The following TIGAR variants were observed in gnomAD, a reference collection of about 807,000 sequenced individuals.
TIGAR encodes the protein fructose-2,6-bisphosphatase TIGAR.
A neutral mutation model predicts 17.9 loss-of-function variants in TIGAR; 7 were observed. The observed-to-expected ratio is 0.39, with a 90% CI of 0.22 to 0.73. TIGAR has a LOEUF of 0.73. Among genes scored for constraint, TIGAR ranks in the 30% least tolerant of loss-of-function variants. TIGAR has a pLI of 0.42. For synonymous variants in TIGAR, 94 were observed against 108.6 expected, an observed-to-expected ratio of 0.87 and a Z score of 0.84; for missense variants, 258 against 327.4, an observed-to-expected ratio of 0.79 and a Z score of 1.64.
In TIGAR at chr12:4,354,650, ACT is replaced by A. The variant is rs1373353625; in HGVS notation, c.*1962_*1963del. 3 of 149,984 alleles carry A rather than the reference ACT, an allele frequency of 2.0e-5. No homozygotes were observed. The highest frequency in any genetic ancestry group is 7.4e-5 in the African/African-American group (3 of 40,478). 9.3% of individuals were successfully genotyped at this position (149,984 alleles called of 1,614,324 possible). ...TATATAGATCTAGTTAATTATAACC[ACT>A]CTATTCTATTAAATATAGCACATTT... On this transcript the variant is annotated 3_prime_UTR_variant, in exon 6 of 6. Coordinates refer to ENST00000179259, the MANE Select transcript of TIGAR (RefSeq NM_020375.3).
intron 2 of TIGAR, among the ~76,000 whole-genome samples, chr12:4,335,284 C>G (rs756842830): frequency 3.3e-5 from 5 of 151,792 alleles, no homozygotes; most frequent in African/African-American, 2.4e-5. Context: ...TGATCCACCC[C>G]CTTCAGCCTC....
chr12:4,324,975 T>C (rs575888224), intron 1 of TIGAR, among the ~76,000 whole-genome samples: 41 of 145,810 alleles, frequency 2.8e-4, no homozygotes, highest in Admixed American at 4.9e-4. Flanking sequence ...GGAGTTTCAC[T>C]CTTGTCACCC....
Position 4,337,168 on chromosome 12 carries a change from T to C in TIGAR, c.192+8T>C. On this transcript the variant is annotated splice_region_variant and intron_variant, in intron 3 of 5. Transcript: ENST00000179259. ...CTCATGAGGACAAAGCAGGTACATT[T>C]ATTTATTTATTTATTTTGAGACAGA... 1 of 1,529,604 alleles carries C rather than the reference T, an allele frequency of 6.5e-7. No individual in the cohort carries two copies. The allele number at this position is 1,529,604 out of a possible 1,614,324, so 94.8% of individuals were successfully genotyped here.
At chr12:4,348,516 T>C (rs10450716) in intron 3 of TIGAR, among the ~76,000 whole-genome samples, 7,417 of 152,280 alleles carry the variant, frequency 0.049, 526 homozygotes, top group East Asian at 0.33. Flanking sequence ...TAGAGTTTTA[T>C]ACCCAGCAAG....
intron 1 of TIGAR, among the ~76,000 whole-genome samples, chr12:4,323,857 A>G (rs1450647918): frequency 6.6e-6 from 1 of 152,204 alleles, no homozygotes. Flanking sequence ...TTGCCTTCAG[A>G]GTTCTCAAAA....
chr12:4,346,365 A>G lies in TIGAR; in HGVS notation c.193-3454A>G, dbSNP rs542470714. 2.0e-4 allele frequency among the ~76,000 whole-genome samples: 30 copies of G among 152,338 alleles called. No homozygotes were observed. In the East Asian group the frequency reaches 4.6e-3, roughly 23 times the overall value. On this transcript the variant is annotated intron_variant, in intron 3 of 5. Coordinates refer to ENST00000179259, the MANE Select transcript of TIGAR (RefSeq NM_020375.3). ...GACTTGGAACCAACCCAAATGTCCA[A>G]TAATGATAGACTGGATTAAGAAAAT...
intron 2 of TIGAR, among the ~76,000 whole-genome samples, chr12:4,333,377 C>G (rs1864623963): frequency 6.6e-6 from 1 of 151,812 alleles, no homozygotes; most frequent in Admixed American, 6.6e-5. Flanking sequence ...GCAACCTCTG[C>G]CTCCCGGGTT....
intron 3 of TIGAR, among the ~76,000 whole-genome samples, chr12:4,347,847 A>C (rs1254685212): frequency 6.6e-6 from 1 of 152,170 alleles, no homozygotes; most frequent in African/African-American, 2.4e-5. Context: ...TTAAAATATG[A>C]GAGTTTAGCT....
Position 4,337,227 on chromosome 12 carries a change from T to A in TIGAR, c.192+67T>A, listed in dbSNP as rs139987415. On this transcript the variant is annotated intron_variant, in intron 3 of 5. Transcript: ENST00000179259. ...CTATGCCCAGGCTGGAGTGCAGTGG[T>A]GCAGTCTCTGTTCACTGCAACCTCC... 1.9e-4 allele frequency: 235 copies of A among 1,249,914 alleles called. No individual in the cohort carries two copies. The African/African-American group carries it at 3.2e-3, about 17-fold the overall frequency. 77.4% of individuals were successfully genotyped at this position (1,249,914 alleles called of 1,614,324 possible).
At chr12:4,351,210 C>A in intron 4 of TIGAR, 57 bp from the exon 5 acceptor site, 1 of 1,527,112 alleles carries the variant, frequency 6.5e-7, no homozygotes, top group Non-Finnish European at 9.1e-7. Flanking sequence ...TAAACATAAA[C>A]TTAATTGTTA....
chr12:4,331,213 A>G, intron 1 of TIGAR, 67 bp from the exon 2 acceptor site: 1 of 1,420,870 alleles, frequency 7.0e-7, no homozygotes, highest in Non-Finnish European at 1.0e-6. Flanking sequence ...TTGATTGCTC[A>G]TTTTTTTCCT....
intron 3 of TIGAR, 42 bp downstream of exon 3, chr12:4,337,202 C>G (rs368037248): frequency 4.6e-5 from 69 of 1,503,264 alleles, no homozygotes; most frequent in Non-Finnish European, 5.9e-5. Context: ...GAGCGTCACT[C>G]TATGCCCAGG....
chr12:4,344,711 T>A (rs1269540445), intron 3 of TIGAR, among the ~76,000 whole-genome samples: 1 of 152,122 alleles, frequency 6.6e-6, no homozygotes, highest in Non-Finnish European at 1.5e-5. Context: ...AATTAGATAT[T>A]GATGGGAGCT....
At position 4,331,313 on chromosome 12, in the gene TIGAR, C is replaced by T. The variant is rs1864601456; in HGVS notation, c.66C>T (p.Ile22=). ...CAAGATTTAACAAGGAGAAAATAAT[C>T]CAAGGTTGGTATAATCCGATTGTTA... The part of the protein sequence containing the change: ...GETRFNKEKI[I]QGQGVDEPLS... Residue 22 remains isoleucine (I), a synonymous_variant, in exon 2 of 6, where the codon ATC becomes ATT. Coordinates refer to ENST00000179259, the MANE Select transcript of TIGAR (RefSeq NM_020375.3). 1 of 1,609,562 alleles carries T rather than the reference C, an allele frequency of 6.2e-7. No individual in the cohort carries two copies.
Position 4,354,439 on chromosome 12 carries a change from GGCAGCCACT to G in TIGAR, c.*1753_*1761del, listed in dbSNP as rs1329471935. The G allele has an allele frequency of 6.6e-6, 1 of 152,010 alleles. No individual in the cohort carries two copies. Among genetic ancestry groups the G allele is most frequent in the African/African-American group, 2.4e-5 (1 of 41,352 alleles). The allele number at this position is 152,010 out of a possible 1,614,324, so 9.4% of individuals were successfully genotyped here. A position where few individuals can be genotyped will look rare whatever the true frequency, so the allele number is the denominator to read the frequency against. ...CTCTCACAGTCCTGTTCCCTCCAGA[GGCAGCCACT>G]GCAGTGAGTCTGTGTATATGTTCAC... On this transcript the variant is annotated 3_prime_UTR_variant, in exon 6 of 6. Coordinates refer to ENST00000179259, the MANE Select transcript of TIGAR (RefSeq NM_020375.3).
In TIGAR at chr12:4,359,551, T is replaced by C. The variant is rs767358582; in HGVS notation, c.*6860T>C. On this transcript the variant is annotated 3_prime_UTR_variant, in exon 6 of 6. Coordinates refer to ENST00000179259, the MANE Select transcript of TIGAR (RefSeq NM_020375.3). ...ATTGCTAATAGTGCCTTTAAAAAAA[T>C]TACTGCATTGAATTCCAATGCATAG... is the stretch of plus-strand genomic sequence containing the variant. Among the ~76,000 whole-genome samples the C allele has an allele frequency of 2.6e-5, 4 of 152,172 alleles. No homozygotes were observed. The highest frequency in any genetic ancestry group is 5.9e-5 in the Non-Finnish European group (4 of 68,042).
chr12:4,348,724 G>A (rs988402909), intron 3 of TIGAR, among the ~76,000 whole-genome samples: 1 of 152,194 alleles, frequency 6.6e-6, no homozygotes, highest in Non-Finnish European at 1.5e-5. Context: ...ACAGTATGAT[G>A]ATGATGTCTA....
At chr12:4,342,703 AC>A (rs1178710929) in intron 3 of TIGAR, among the ~76,000 whole-genome samples, 1 of 152,218 alleles carries the variant, frequency 6.6e-6, no homozygotes, top group Non-Finnish European at 1.5e-5. Flanking sequence ...TTTCGGCACC[AC>A]CAGGCCTGCC....
intron 1 of TIGAR, 60 bp from the exon 2 acceptor site, chr12:4,331,220 T>A: frequency 3.4e-6 from 5 of 1,456,062 alleles, no homozygotes; most frequent in Non-Finnish European, 4.8e-6. Context: ...CTCATTTTTT[T>A]CCTCCTCTCA....
Sources: allele counts gnomAD v4.1 joint callset (sites outside exome capture counted in the v4.1 genomes callset), GRCh38; gene constraint gnomAD v4.1.1; transcripts MANE v1.5; gene names NCBI Gene and HGNC (gene_info 2026-07-23, HGNC 2026-07-21).